The following EED variants were observed in gnomAD, a reference collection of about 807,000 sequenced individuals.
EED encodes embryonic ectoderm development, also known as polycomb protein EED.
In EED, 9 loss-of-function variants were observed where a neutral mutation model predicts 61.0. The ratio of observed to expected loss-of-function variants is 0.15; its 90% CI spans 0.09 to 0.26. The LOEUF (loss-of-function observed/expected upper bound fraction) is 0.26. Ranked by LOEUF, EED falls within the 10% of genes least tolerant of loss-of-function variation. EED has a pLI of 1.00. For synonymous variants in EED, 187 were observed against 174.4 expected (o/e 1.07, Z -0.57); for missense variants, 315 against 542.3 (o/e 0.58, Z 4.16).
chr11:86,251,922 T>A (rs1041360556), intron 2 of EED, among the ~76,000 whole-genome samples: 21 of 152,246 alleles, frequency 1.4e-4, no homozygotes, highest in African/African-American at 4.8e-4. Context: ...ACCTAACTTG[T>A]GATTTCAGCC....
chr11:86,254,901 G>A (rs559386497), intron 3 of EED, among the ~76,000 whole-genome samples: 3 of 152,334 alleles, frequency 2.0e-5, no homozygotes, highest in South Asian at 2.1e-4. Context: ...GATTACAGGC[G>A]TGAGCCACCG....
chr11:86,273,520 CA>C (rs1432632059), intron 9 of EED, among the ~76,000 whole-genome samples: 22 of 152,150 alleles, frequency 1.4e-4, no homozygotes, highest in African/African-American at 5.1e-4. Context: ...CTGATAAATT[CA>C]AATCTTCTTA....
chr11:86,249,075 A>G (rs1243177612), intron 1 of EED, among the ~76,000 whole-genome samples: 3 of 152,204 alleles, frequency 2.0e-5, no homozygotes. Flanking sequence ...TGCTATATAG[A>G]TAATGCATAG....
At chr11:86,263,682 G>A (rs530505507) in intron 6 of EED, among the ~76,000 whole-genome samples, 1 of 152,202 alleles carries the variant, frequency 6.6e-6, no homozygotes, top group Non-Finnish European at 1.5e-5. Context: ...TACCTGACTG[G>A]GTGATTTATA....
At chr11:86,269,568 T>G (rs1946061513) in intron 9 of EED, among the ~76,000 whole-genome samples, 1 of 152,226 alleles carries the variant, frequency 6.6e-6, no homozygotes. Flanking sequence ...GACCTTCAAA[T>G]AACTTGATTC....
chr11:86,285,119 A>G, the EED span, among the ~76,000 whole-genome samples: 1 of 151,238 alleles, frequency 6.6e-6, no homozygotes, highest in Non-Finnish European at 1.5e-5. Flanking sequence ...TCAAAAACGA[A>G]AAACCAAAAA....
At chr11:86,256,117 C>T (rs1309826555) in intron 4 of EED, among the ~76,000 whole-genome samples, 1 of 152,160 alleles carries the variant, frequency 6.6e-6, no homozygotes, top group Non-Finnish European at 1.5e-5. Flanking sequence ...TGTATATTTT[C>T]TGCAGTTATT....
At chr11:86,272,548 C>T (rs1167031783) in intron 9 of EED, among the ~76,000 whole-genome samples, 4 of 152,178 alleles carry the variant, frequency 2.6e-5, no homozygotes, top group South Asian at 2.1e-4. Context: ...TCTTCTATAT[C>T]CTTGTTCGGT....
chr11:86,282,035 C>G (rs1946329931), downstream of EED, among the ~76,000 whole-genome samples: 1 of 152,112 alleles, frequency 6.6e-6, no homozygotes. Context: ...TACTATGAAC[C>G]AAGTCAAGCT....
At chr11:86,245,572 G>A (rs1026269165) in intron 1 of EED, among the ~76,000 whole-genome samples, 1 of 151,838 alleles carries the variant, frequency 6.6e-6, no homozygotes, top group Non-Finnish European at 1.5e-5. Flanking sequence ...GCGTGGGTCT[G>A]AGAAGTCTGC....
intron 6 of EED, among the ~76,000 whole-genome samples, chr11:86,262,343 C>T (rs1447599399): frequency 6.6e-6 from 1 of 152,260 alleles, no homozygotes; most frequent in Non-Finnish European, 1.5e-5. Flanking sequence ...TCAGATATTT[C>T]TTCTGCCAGG....
chr11:86,279,167 A>G (rs550814860), downstream of EED, among the ~76,000 whole-genome samples: 1 of 152,350 alleles, frequency 6.6e-6, no homozygotes, highest in Non-Finnish European at 1.5e-5. Context: ...TTAAAATTCT[A>G]CAGAGTTAGA....
Position 86,245,121 on chromosome 11 carries a change from T to TGGCGGCGGCAGCGGC in EED, c.-108_-94dup, listed in dbSNP as rs1380505970. 1.4e-6 allele frequency: 1 copy of TGGCGGCGGCAGCGGC among 710,048 alleles called. No individual in the cohort carries two copies. The highest frequency in any genetic ancestry group is 2.2e-6 in the Non-Finnish European group (1 of 449,788). 44.0% of individuals were successfully genotyped at this position (710,048 alleles called of 1,614,324 possible). On this transcript the variant is annotated 5_prime_UTR_variant, in exon 1 of 12. Transcript: ENST00000263360. The stretch of plus-strand genomic sequence containing the variant: ...GCGACAGTGGGGGGGGCGGTGGAGG[T>TGGCGGCGGCAGCGGC]GGCGGCGGCAGCGGCAACTTTGCGG...
At chr11:86,270,784 G>A (rs1408365112) in intron 9 of EED, among the ~76,000 whole-genome samples, 1 of 152,202 alleles carries the variant, frequency 6.6e-6, no homozygotes, top group Non-Finnish European at 1.5e-5. Flanking sequence ...CTATTCTTCC[G>A]CCATTGAATT....
intron 9 of EED, among the ~76,000 whole-genome samples, chr11:86,271,075 GAGA>G (rs1176585869): frequency 6.6e-6 from 1 of 152,096 alleles, no homozygotes; most frequent in African/African-American, 2.4e-5. Flanking sequence ...TTGTTTTGAG[GAGA>G]AGGAGTTTTT....
At chr11:86,271,253 T>C (rs1007329985) in intron 9 of EED, among the ~76,000 whole-genome samples, 3 of 152,250 alleles carry the variant, frequency 2.0e-5, no homozygotes, top group African/African-American at 4.8e-5. Context: ...ATTTTTGCTC[T>C]GTTAGATTTA....
intron 9 of EED, 33 bp downstream of exon 9, chr11:86,268,594 CGTGTGTGTGTGTGTGTGTGTGT>C: frequency 1.2e-6 from 1 of 819,598 alleles, no homozygotes. Context: ...GTACTTCCAT[CGTGTGTGTGTGTGTGTGTGTGT>C]GTGTGTGTGT....
chr11:86,252,250 A>G lies in EED; in HGVS notation c.360+10A>G, dbSNP rs779384550. 2.5e-6 allele frequency: 4 copies of G among 1,585,346 alleles called. No individual in the cohort carries two copies. The highest frequency in any genetic ancestry group is 8.6e-7 in the Non-Finnish European group (1 of 1,158,342). ...TGTAGGAAGCAACAGAGTGAGTGTT[A>G]AGGGGTCTATTTAGTATTTGGCTTG... On this transcript the variant is annotated intron_variant, in intron 3 of 11. Transcript: ENST00000263360.
chr11:86,267,766 A>ATTTTTTTTTTTTTTT (rs36185703), intron 8 of EED: 68 of 108,718 alleles, frequency 6.3e-4, no homozygotes, highest in Non-Finnish European at 8.8e-4. Context: ...TGCCTGGCTA[A>ATTTTTTTTTTTTTTT]TTTTTTTTTT....
Sources: allele counts gnomAD v4.1 joint callset (sites outside exome capture counted in the v4.1 genomes callset), GRCh38; gene constraint gnomAD v4.1.1; transcripts MANE v1.5; gene names NCBI Gene and HGNC (gene_info 2026-07-23, HGNC 2026-07-21).